Variants in EPC2 observed in about 807,000 individuals in gnomAD.
The protein encoded by EPC2 is enhancer of polycomb 2.
In EPC2, 14 loss-of-function variants were observed where a neutral mutation model predicts 92.1. The ratio of observed to expected loss-of-function variants is 0.15; its 90% CI spans 0.10 to 0.24. EPC2 has a LOEUF of 0.24. Among genes scored for constraint, EPC2 ranks in the 10% least tolerant of loss-of-function variants. The probability of loss-of-function intolerance (pLI) is 1.00; values close to 1 mark genes in which losing one functional copy is unlikely to be tolerated. For synonymous variants in EPC2, 340 were observed against 334.7 expected (o/e 1.02, Z -0.17); for missense variants, 755 against 971.5 (o/e 0.78, Z 2.96).
intron 10 of EPC2, among the ~76,000 whole-genome samples, chr2:148,779,961 T>C (rs1455955701): frequency 1.3e-5 from 2 of 152,210 alleles, no homozygotes; most frequent in Non-Finnish European, 2.9e-5. Context: ...TCTAATAAAC[T>C]ATTTTTCATC....
chr2:148,778,881 A>G (rs557665023), intron 10 of EPC2, among the ~76,000 whole-genome samples: 21 of 152,324 alleles, frequency 1.4e-4, no homozygotes, highest in African/African-American at 4.6e-4. Context: ...AAAGAAAAAA[A>G]TGAATGTAAT....
At chr2:148,713,703 A>G (rs561291806) in intron 2 of EPC2, among the ~76,000 whole-genome samples, 1 of 152,030 alleles carries the variant, frequency 6.6e-6, no homozygotes, top group Admixed American at 6.6e-5. Flanking sequence ...TACCTTATCT[A>G]TGTTTAATGT....
In EPC2 at chr2:148,762,818, G is replaced by A; in HGVS notation, c.948+16G>A. 1 of 1,593,486 alleles carries A rather than the reference G, an allele frequency of 6.3e-7. No individual in the cohort carries two copies. Among genetic ancestry groups the A allele is most frequent in the Non-Finnish European group, 8.5e-7 (1 of 1,172,134 alleles). On this transcript the variant is annotated intron_variant, in intron 6 of 13. Coordinates refer to ENST00000258484, the MANE Select transcript of EPC2 (RefSeq NM_015630.4). ...TAAAACTAAGGTGAATATTGTCTGG[G>A]AAGAAGCATGTATGGATGGTAATGT... is the stretch of plus-strand genomic sequence containing the variant.
chr2:148,673,857 A>G (rs2105362083), intron 1 of EPC2, among the ~76,000 whole-genome samples: 1 of 152,324 alleles, frequency 6.6e-6, no homozygotes, highest in South Asian at 2.1e-4. Flanking sequence ...AAGTGCTGGG[A>G]TTACAGGCGT....
At chr2:148,735,246 T>C (rs145377371) in intron 2 of EPC2, among the ~76,000 whole-genome samples, 4 of 152,192 alleles carry the variant, frequency 2.6e-5, no homozygotes, top group African/African-American at 4.8e-5. Flanking sequence ...CAAACTGATA[T>C]CAGTTTATAT....
At chr2:148,781,324 C>G (rs1005439752) in intron 10 of EPC2, among the ~76,000 whole-genome samples, 6 of 152,080 alleles carry the variant, frequency 3.9e-5, no homozygotes, top group Admixed American at 2.0e-4. Context: ...ATTACATGCT[C>G]TCCATAATAT....
At chr2:148,753,819 C>A in intron 3 of EPC2, 108 bp from the exon 4 acceptor site, 1 of 743,524 alleles carries the variant, frequency 1.3e-6, no homozygotes, top group Non-Finnish European at 2.2e-6. Flanking sequence ...ATAATATTAT[C>A]TGTTAGTAGT....
intron 2 of EPC2, among the ~76,000 whole-genome samples, chr2:148,719,273 G>C (rs990927002): frequency 6.6e-6 from 1 of 152,118 alleles, no homozygotes; most frequent in Admixed American, 6.5e-5. Context: ...GCCCAGTTCT[G>C]AGCCCTTGCT....
At chr2:148,726,027 T>G (rs1339088374) in intron 2 of EPC2, among the ~76,000 whole-genome samples, 2 of 152,178 alleles carry the variant, frequency 1.3e-5, no homozygotes, top group Non-Finnish European at 2.9e-5. Context: ...TTTGACTACT[T>G]TGGATACACC....
intron 2 of EPC2, among the ~76,000 whole-genome samples, chr2:148,723,493 GGTTTCT>G (rs1235214124): frequency 6.6e-6 from 1 of 152,100 alleles, no homozygotes. Flanking sequence ...TCTGCTAGTG[GGTTTCT>G]GTTCCCGTAA....
At chr2:148,684,925 G>A (rs535917936) in intron 1 of EPC2, among the ~76,000 whole-genome samples, 1 of 152,276 alleles carries the variant, frequency 6.6e-6, no homozygotes, top group African/African-American at 2.4e-5. Context: ...ATTTTTGCCA[G>A]CCTAATCAGT....
chr2:148,663,510 G>C (rs1003983876), intron 1 of EPC2, among the ~76,000 whole-genome samples: 3 of 150,386 alleles, frequency 2.0e-5, no homozygotes, highest in African/African-American at 7.3e-5. Context: ...GAGCCACTGC[G>C]CCCAGCCAAG....
chr2:148,716,042 A>G (rs1682255326), intron 2 of EPC2, among the ~76,000 whole-genome samples: 1 of 152,158 alleles, frequency 6.6e-6, no homozygotes, highest in Non-Finnish European at 1.5e-5. Flanking sequence ...ATTGGTGTAT[A>G]GGAAGGCCAA....
intron 5 of EPC2, chr2:148,762,206 T>C: frequency 4.4e-6 from 1 of 226,274 alleles, no homozygotes; most frequent in Non-Finnish European, 8.5e-6. Context: ...TAAAGAACTC[T>C]AGTGATCATA....
intron 1 of EPC2, among the ~76,000 whole-genome samples, chr2:148,679,553 A>C (rs1681348744): frequency 1.3e-5 from 2 of 152,206 alleles, no homozygotes. Context: ...ACATGGGCTT[A>C]AATCGTTAGA....
intron 1 of EPC2, among the ~76,000 whole-genome samples, chr2:148,683,830 A>G (rs1377374002): frequency 6.6e-6 from 1 of 152,182 alleles, no homozygotes; most frequent in Non-Finnish European, 1.5e-5. Context: ...ACTGCTGTAA[A>G]TGCGTGCAAG....
intron 2 of EPC2, among the ~76,000 whole-genome samples, chr2:148,705,420 T>C (rs1002494373): frequency 7.9e-5 from 12 of 152,144 alleles, no homozygotes; most frequent in African/African-American, 2.9e-4. Flanking sequence ...CCCAGCGTGA[T>C]TGATGCAGAA....
At chr2:148,735,606 A>G (rs1471925512) in intron 2 of EPC2, among the ~76,000 whole-genome samples, 2 of 152,012 alleles carry the variant, frequency 1.3e-5, no homozygotes, top group Non-Finnish European at 2.9e-5. Context: ...TTGTTTCTCT[A>G]TACTTATACC....
chr2:148,669,261 C>T (rs973446106), intron 1 of EPC2, among the ~76,000 whole-genome samples: 1 of 152,090 alleles, frequency 6.6e-6, no homozygotes, highest in Non-Finnish European at 1.5e-5. Context: ...TTTTCTGCCA[C>T]CTTTTGGATT....
Sources: allele counts gnomAD v4.1 joint callset (sites outside exome capture counted in the v4.1 genomes callset), GRCh38; gene constraint gnomAD v4.1.1; transcripts MANE v1.5; gene names NCBI Gene and HGNC (gene_info 2026-07-23, HGNC 2026-07-21).